The following EYA2 variants were observed in gnomAD, a reference collection of about 807,000 sequenced individuals.
EYA2 encodes the protein protein phosphatase EYA2.
In EYA2, 31 loss-of-function variants were observed where a neutral mutation model predicts 69.2. The observed-to-expected ratio is 0.45, with a 90% CI of 0.34 to 0.60. The LOEUF is 0.60. Ranked by LOEUF, EYA2 falls within the 20% of genes least tolerant of loss-of-function variation. The pLI, the probability that EYA2 is intolerant of heterozygous loss-of-function variation, is 0.02. For synonymous variants in EYA2, 257 were observed against 279.4 expected, an observed-to-expected ratio of 0.92 and a Z score of 0.80; for missense variants, 622 against 701.2, an observed-to-expected ratio of 0.89 and a Z score of 1.28.
At chr20:47,058,099 C>T (rs1281283885) in intron 5 of EYA2, among the ~76,000 whole-genome samples, 1 of 109,636 alleles carries the variant, frequency 9.1e-6, no homozygotes, top group Non-Finnish European at 1.8e-5. Context: ...TAAGTTAATA[C>T]CGGGTTTGGC....
At chr20:47,093,223 A>G (rs758927693) in intron 8 of EYA2, among the ~76,000 whole-genome samples, 3 of 152,166 alleles carry the variant, frequency 2.0e-5, no homozygotes, top group African/African-American at 7.2e-5. Flanking sequence ...TCTACTCCCA[A>G]TGAAACCAGG....
intron 10 of EYA2, among the ~76,000 whole-genome samples, chr20:47,154,524 C>T (rs918260088): frequency 6.6e-6 from 1 of 152,026 alleles, no homozygotes; most frequent in Admixed American, 6.5e-5. Context: ...GGTGGCCTGG[C>T]TCCAGAGACC....
chr20:46,971,913 T>A (rs751807540), intron 1 of EYA2, among the ~76,000 whole-genome samples: 1 of 152,204 alleles, frequency 6.6e-6, no homozygotes, highest in Non-Finnish European at 1.5e-5. Flanking sequence ...CTTTATTAGA[T>A]GCTAAGGACA....
In EYA2 at chr20:47,175,448, C is replaced by T. The variant is rs150803998; in HGVS notation, c.1198+2581C>T. 4.4e-3 allele frequency among the ~76,000 whole-genome samples: 674 copies of T among 152,182 alleles called. 2 individuals carry two copies. The highest frequency in any genetic ancestry group is 6.7e-3 in the Non-Finnish European group (455 of 68,002). On this transcript the variant is annotated intron_variant, in intron 12 of 15. Coordinates refer to ENST00000327619, the MANE Select transcript of EYA2 (RefSeq NM_005244.5). ...CCTCCCTGTGCCTCAGTTTCCTCCT[C>T]GTGTGCAAAATGGGGCCAGTGATGC...
At position 47,036,826 on chromosome 20, in the gene EYA2, C is replaced by A. The variant is rs1490384829; in HGVS notation, c.415+20529C>A. ...CCACTGAACTCAGATCGCCTAAATT[C>A]AAATCCCAGTTCTGCCAGTTATCAA... On this transcript the variant is annotated intron_variant, in intron 5 of 15. Coordinates refer to ENST00000327619, the MANE Select transcript of EYA2 (RefSeq NM_005244.5). Among the ~76,000 whole-genome samples the A allele has an allele frequency of 3.3e-5, 5 of 152,306 alleles. No individual in the cohort carries two copies. The South Asian group carries it at 1.0e-3, about 32-fold the overall frequency.
At chr20:47,164,417 C>T (rs1318797030) in intron 10 of EYA2, among the ~76,000 whole-genome samples, 1 of 152,178 alleles carries the variant, frequency 6.6e-6, no homozygotes, top group Non-Finnish European at 1.5e-5. Flanking sequence ...GAACCCTGCC[C>T]AGAGGCCTGA....
At chr20:47,086,769 C>T (rs1389802181) in intron 7 of EYA2, among the ~76,000 whole-genome samples, 1 of 151,708 alleles carries the variant, frequency 6.6e-6, no homozygotes, top group Admixed American at 6.6e-5. Flanking sequence ...AGAATGTGTA[C>T]GTTTGGGTAA....
intron 7 of EYA2, among the ~76,000 whole-genome samples, chr20:47,078,587 A>ATG (rs2031611734): frequency 6.6e-6 from 1 of 152,190 alleles, no homozygotes; most frequent in South Asian, 2.1e-4. Flanking sequence ...ACATGCATTA[A>ATG]TGTGTGTGTG....
Position 47,188,250 on chromosome 20 carries a change from C to T in EYA2, c.*117C>T, listed in dbSNP as rs777267335. On this transcript the variant is annotated 3_prime_UTR_variant, in exon 16 of 16. Coordinates refer to ENST00000327619, the MANE Select transcript of EYA2 (RefSeq NM_005244.5). Reference sequence around the variant, plus strand: ...GGACACCAGGAAGGGGCCCCACAGCCGAGACGACGTGTCCAGTGACCATCT... The same window carrying T: ...GGACACCAGGAAGGGGCCCCACAGCTGAGACGACGTGTCCAGTGACCATCT... 7.0e-5 allele frequency: 64 copies of T among 909,164 alleles called. No homozygotes were observed. The highest frequency in any genetic ancestry group is 2.1e-4 in the Middle Eastern group (1 of 4,720). 56.3% of individuals were successfully genotyped at this position (909,164 alleles called of 1,614,324 possible). A position where few individuals can be genotyped will look rare whatever the true frequency, so the allele number is the denominator to read the frequency against.
At chr20:47,136,938 C>G (rs963585355) in intron 9 of EYA2, among the ~76,000 whole-genome samples, 1 of 152,042 alleles carries the variant, frequency 6.6e-6, no homozygotes, top group Non-Finnish European at 1.5e-5. Context: ...TTAGGGCACG[C>G]TAAGAAAATC....
chr20:46,913,828 G>A lies in EYA2; in HGVS notation c.-11+18841G>A, dbSNP rs150753283. Among the ~76,000 whole-genome samples, 342 of 152,274 alleles carry A rather than the reference G, an allele frequency of 2.2e-3. 2 individuals carry two copies. Among genetic ancestry groups the A allele is most frequent in the African/African-American group, 7.7e-3 (318 of 41,540 alleles). On this transcript the variant is annotated intron_variant, in intron 1 of 15. Transcript: ENST00000327619. ...GGAGGAGCAGGTTGGGAAAGGAGAT[G>A]GGAGCACCTCGTGTGGACCTGGCAT... is the stretch of plus-strand genomic sequence containing the variant.
chr20:46,956,400 A>G (rs539340607), intron 1 of EYA2, among the ~76,000 whole-genome samples: 23 of 152,334 alleles, frequency 1.5e-4, no homozygotes, highest in African/African-American at 5.1e-4. Flanking sequence ...CACAGTCACA[A>G]TGGATCTCTC....
At chr20:47,043,984 C>T (rs1420782066) in intron 5 of EYA2, among the ~76,000 whole-genome samples, 1 of 152,170 alleles carries the variant, frequency 6.6e-6, no homozygotes. Flanking sequence ...CAGTAATAGA[C>T]TATCCTTTTA....
chr20:47,148,069 A>T (rs2033745080), intron 10 of EYA2, among the ~76,000 whole-genome samples: 1 of 151,684 alleles, frequency 6.6e-6, no homozygotes, highest in Admixed American at 6.6e-5. Flanking sequence ...AAAAAAAAAA[A>T]AAAAGAATAA....
At chr20:46,994,806 A>C (rs963640706) in intron 2 of EYA2, among the ~76,000 whole-genome samples, 1 of 151,958 alleles carries the variant, frequency 6.6e-6, no homozygotes, top group Non-Finnish European at 1.5e-5. Flanking sequence ...ACAGGTAAAG[A>C]GCTTCCACTG....
intron 4 of EYA2, among the ~76,000 whole-genome samples, chr20:47,009,207 A>C (rs560657714): frequency 6.6e-6 from 1 of 152,068 alleles, no homozygotes; most frequent in Non-Finnish European, 1.5e-5. Flanking sequence ...ACACACATAC[A>C]CACACACAGA....
intron 1 of EYA2, among the ~76,000 whole-genome samples, chr20:46,940,037 C>T (rs752078615): frequency 6.6e-6 from 1 of 152,102 alleles, no homozygotes; most frequent in East Asian, 1.9e-4. Flanking sequence ...AAACCTACTA[C>T]GTGCGAGGAT....
At chr20:46,961,971 TAAC>T (rs1384378303) in intron 1 of EYA2, among the ~76,000 whole-genome samples, 1 of 152,216 alleles carries the variant, frequency 6.6e-6, no homozygotes, top group Non-Finnish European at 1.5e-5. Context: ...TGACTACAAC[TAAC>T]AACAATTGAC....
chr20:46,894,847 G>A lies in EYA2; in HGVS notation c.-151G>A, dbSNP rs1042318500. Reference sequence around the variant, plus strand: ...GCCGGTCCTCCCGGCGCAGGCAGCAGCCGCGGCAGCCCAGGAGGCGGAGGC... The same window carrying A: ...GCCGGTCCTCCCGGCGCAGGCAGCAACCGCGGCAGCCCAGGAGGCGGAGGC... On this transcript the variant is annotated 5_prime_UTR_variant, in exon 1 of 16. Transcript: ENST00000327619. 6.6e-6 allele frequency: 1 copy of A among 150,956 alleles called. No homozygotes were observed. Among genetic ancestry groups the A allele is most frequent in the African/African-American group, 2.4e-5 (1 of 41,300 alleles). 9.4% of individuals were successfully genotyped at this position (150,956 alleles called of 1,614,324 possible). A position where few individuals can be genotyped will look rare whatever the true frequency, so the allele number is the denominator to read the frequency against.
Sources: allele counts gnomAD v4.1 joint callset (sites outside exome capture counted in the v4.1 genomes callset), GRCh38; gene constraint gnomAD v4.1.1; transcripts MANE v1.5; gene names NCBI Gene and HGNC (gene_info 2026-07-23, HGNC 2026-07-21).